Variants in FGF13 observed in about 807,000 individuals in gnomAD.
FGF13 encodes fibroblast growth factor homologous factor 2.
A neutral mutation model predicts 19.5 loss-of-function variants in FGF13; 2 were observed. That is an observed-to-expected ratio of 0.10 (90% CI 0.04 to 0.32). The LOEUF (loss-of-function observed/expected upper bound fraction) is 0.32, where lower values mean the gene tolerates loss of function less well. Ranked by LOEUF, FGF13 falls within the 10% of genes least tolerant of loss-of-function variation. FGF13 has a pLI of 1.00. For synonymous variants in FGF13, 72 were observed against 76.9 expected (o/e 0.94, Z 0.33); for missense variants, 113 against 192.7 (o/e 0.59, Z 2.45).
chrX:138,975,152 A>C (rs187746111), intron 1 of FGF13, among the ~76,000 whole-genome samples: 1 of 113,094 alleles, frequency 8.8e-6, no homozygotes, highest in Non-Finnish European at 1.9e-5. Flanking sequence ...TAATGAAAGC[A>C]ATAATACTCC....
intron 3 of FGF13, among the ~76,000 whole-genome samples, chrX:138,661,026 G>A (rs1378035570): frequency 9.0e-6 from 1 of 111,336 alleles, no homozygotes; most frequent in Non-Finnish European, 1.9e-5. Context: ...GCTCCTTTAG[G>A]TAATAAACAC....
At position 138,711,442 on chromosome X, in the gene FGF13, C is replaced by A. The variant is rs1023844744; in HGVS notation, c.-439G>T. 4.3e-6 allele frequency: 3 copies of A among 690,761 alleles called. No individual in the cohort carries two copies. The highest frequency in any genetic ancestry group is 5.2e-6 in the Non-Finnish European group (3 of 580,722). The allele number at this position is 690,761 out of a possible 1,213,427, so 56.9% of individuals were successfully genotyped here. A position where few individuals can be genotyped will look rare whatever the true frequency, so the allele number is the denominator to read the frequency against. ...GAGGGAGGCGGGCGGAGGGAGTGAG[C>A]GCGGGCGGGAGAGAGGCCGGGAGCT... On this transcript the variant is annotated 5_prime_UTR_variant, in exon 1 of 5. Coordinates refer to ENST00000315930, the MANE Select transcript of FGF13 (RefSeq NM_004114.5).
At chrX:138,945,782 C>T (rs1455998746) in intron 1 of FGF13, among the ~76,000 whole-genome samples, 2 of 111,656 alleles carry the variant, frequency 1.8e-5, no homozygotes, top group African/African-American at 6.5e-5. Flanking sequence ...CTGTAGGTTA[C>T]CCTCAGAGAA....
At chrX:138,934,283 A>G (rs2091720084) in intron 1 of FGF13, among the ~76,000 whole-genome samples, 1 of 111,827 alleles carries the variant, frequency 8.9e-6, no homozygotes, top group African/African-American at 3.3e-5. Flanking sequence ...AAAATGCCAT[A>G]GGAGTTCAGT....
chrX:138,941,357 G>C (rs1313127591), intron 1 of FGF13, among the ~76,000 whole-genome samples: 3 of 111,870 alleles, frequency 2.7e-5, no homozygotes, highest in African/African-American at 6.5e-5. Flanking sequence ...AACAACTTTA[G>C]CAAACTTTCA....
chrX:138,976,937 G>A (rs12390704), intron 1 of FGF13, among the ~76,000 whole-genome samples: 2,322 of 111,373 alleles, frequency 0.021, 69 homozygotes, highest in African/African-American at 0.071. Flanking sequence ...ATTTTAATAT[G>A]GATGCATTCC....
chrX:138,896,240 A>G (rs1255049938), intron 1 of FGF13, among the ~76,000 whole-genome samples: 2 of 111,799 alleles, frequency 1.8e-5, no homozygotes, highest in African/African-American at 6.5e-5. Flanking sequence ...GTGTGTGTGT[A>G]TATATATTTT....
chrX:139,046,702 AT>A (rs1304590320), intron 1 of FGF13, among the ~76,000 whole-genome samples: 1 of 111,611 alleles, frequency 9.0e-6, no homozygotes, highest in East Asian at 2.8e-4. Context: ...CACCTCTTGA[AT>A]TTTATTTCCC....
Position 138,739,103 on chromosome X carries a change from C to G in FGF13, c.28+139G>C. 3 of 425,573 alleles carry G rather than the reference C, an allele frequency of 7.0e-6. No individual in the cohort carries two copies. In the South Asian group the frequency reaches 1.3e-4, roughly 19 times the overall value. The allele number at this position is 425,573 out of a possible 1,213,427, so 35.1% of individuals were successfully genotyped here. ...ATCCCGGAGTAAAGGGAATCAAGAA[C>G]CCCTGTCCCATCCAGAACGAAAAAT... On this transcript the variant is annotated intron_variant, in intron 1 of 4. Coordinates refer to the FGF13 transcript ENST00000305414.
intron 1 of FGF13, among the ~76,000 whole-genome samples, chrX:139,059,450 G>A (rs1261208318): frequency 9.1e-6 from 1 of 109,989 alleles, no homozygotes; most frequent in Admixed American, 9.7e-5. Flanking sequence ...GAGAGAGAGA[G>A]AGAATATTCT....
chrX:139,017,945 G>GT (rs1440024238), intron 1 of FGF13, among the ~76,000 whole-genome samples: 1 of 111,913 alleles, frequency 8.9e-6, no homozygotes, highest in East Asian at 2.8e-4. Flanking sequence ...CCCCAACTCT[G>GT]TTATATAGAT....
intron 3 of FGF13, among the ~76,000 whole-genome samples, chrX:138,780,198 C>T (rs1396231327): frequency 3.5e-4 from 39 of 109,928 alleles, no homozygotes; most frequent in African/African-American, 1.2e-3. Flanking sequence ...TGGTACCAGC[C>T]GCCGCAAAAT....
chrX:138,931,193 C>G (rs1200129271), intron 1 of FGF13, among the ~76,000 whole-genome samples: 2 of 111,643 alleles, frequency 1.8e-5, no homozygotes, highest in Admixed American at 9.5e-5. Flanking sequence ...GCACTGGATA[C>G]AGCCCATTTG....
At chrX:138,646,145 T>C (rs2089303870) in intron 3 of FGF13, among the ~76,000 whole-genome samples, 1 of 112,431 alleles carries the variant, frequency 8.9e-6, no homozygotes, top group African/African-American at 3.2e-5. Flanking sequence ...TGAATAGTTA[T>C]GGCATTCAAG....
intron 1 of FGF13, among the ~76,000 whole-genome samples, chrX:139,176,200 T>C (rs76126296): frequency 8.9e-6 from 1 of 111,863 alleles, no homozygotes. Context: ...GAGGTGTTTA[T>C]AGTATTCTCT....
intron 1 of FGF13, among the ~76,000 whole-genome samples, chrX:138,883,774 T>C (rs1569417585): frequency 9.0e-6 from 1 of 111,572 alleles, no homozygotes; most frequent in African/African-American, 3.3e-5. Context: ...TCACAGCCAA[T>C]CTTCAGGGGG....
chrX:139,135,998 C>T (rs1269517207), intron 1 of FGF13, among the ~76,000 whole-genome samples: 1 of 111,520 alleles, frequency 9.0e-6, no homozygotes, highest in Non-Finnish European at 1.9e-5. Context: ...GGTATATAAT[C>T]TCTTTTCTTC....
chrX:138,795,486 G>T (rs1041928160), intron 3 of FGF13, among the ~76,000 whole-genome samples: 3 of 111,772 alleles, frequency 2.7e-5, no homozygotes. Context: ...TAGATAGCAG[G>T]TCTGGGACAG....
intron 1 of FGF13, among the ~76,000 whole-genome samples, chrX:138,932,811 A>G (rs2124261795): frequency 9.3e-6 from 1 of 107,884 alleles, no homozygotes; most frequent in African/African-American, 3.4e-5. Flanking sequence ...TGCTAGGATC[A>G]GTAGCCATCC....
Sources: gnomAD v4.1 joint callset for allele counts (sites outside exome capture counted in the v4.1 genomes callset) on GRCh38, gnomAD v4.1.1 for gene constraint, MANE v1.5 for transcripts, NCBI Gene and HGNC (gene_info 2026-07-23, HGNC 2026-07-21) for gene names.